Variants in DSCAML1 observed in about 807,000 individuals in gnomAD.
DSCAML1 encodes the protein cell adhesion molecule DSCAML1.
DSCAML1 carries 38 observed loss-of-function variants against 200.5 expected under a neutral mutation model. The observed-to-expected ratio is 0.19, with a 90% CI of 0.15 to 0.25. The LOEUF (loss-of-function observed/expected upper bound fraction) is 0.25, where lower values mean the gene tolerates loss of function less well. DSCAML1 is among the 10% of genes least tolerant of loss of function. The probability of loss-of-function intolerance (pLI) is 1.00; values close to 1 mark genes in which losing one functional copy is unlikely to be tolerated. For missense variants in DSCAML1, 2,223 were observed against 2,858.8 expected (o/e 0.78, Z 5.07); for synonymous variants, 1,215 against 1,165.0 (o/e 1.04, Z -0.87).
intron 3 of DSCAML1, among the ~76,000 whole-genome samples, chr11:117,725,853 A>AAAACAAAAC (rs1565896746): frequency 1.5e-5 from 2 of 135,402 alleles, no homozygotes; most frequent in African/African-American, 6.0e-5. Context: ...CAAAACAAAA[A>AAAACAAAAC]GGTAGGGAGG....
intron 20 of DSCAML1, among the ~76,000 whole-genome samples, chr11:117,448,513 G>A (rs1009097263): frequency 1.3e-5 from 2 of 152,106 alleles, no homozygotes; most frequent in South Asian, 2.1e-4. Flanking sequence ...AGTGTCTGAC[G>A]GGAGTGAGGA....
chr11:117,532,134 AAAAAAAAGG>A (rs1481898489), intron 4 of DSCAML1, among the ~76,000 whole-genome samples: 2 of 147,116 alleles, frequency 1.4e-5, no homozygotes, highest in African/African-American at 2.6e-5. Flanking sequence ...GGAAAGACAA[AAAAAAAAGG>A]AAAAAAAAGG....
At chr11:117,665,833 G>A (rs1267460752) in intron 3 of DSCAML1, among the ~76,000 whole-genome samples, 1 of 152,160 alleles carries the variant, frequency 6.6e-6, no homozygotes, top group African/African-American at 2.4e-5. Flanking sequence ...CGTATAGGTT[G>A]GCAAAGAGTC....
At chr11:117,802,485 C>T (rs1447711754) in intron 1 of DSCAML1, among the ~76,000 whole-genome samples, 1 of 152,204 alleles carries the variant, frequency 6.6e-6, no homozygotes, top group African/African-American at 2.4e-5. Flanking sequence ...GATTTAATGA[C>T]CAGATGGGCT....
Position 117,511,570 on chromosome 11 carries a change from CAA to C in DSCAML1, c.1783+4895_1783+4896del, listed in dbSNP as rs559310193. ...AAGGATTTCTCCGGATGACCAGAGA[CAA>C]ATACCAGCCATCCCTGCAGCCTGGC... On this transcript the variant is annotated intron_variant, in intron 8 of 32. Transcript: ENST00000651296. 2.0e-3 allele frequency among the ~76,000 whole-genome samples: 302 copies of C among 152,290 alleles called. 1 individual carries two copies. Among genetic ancestry groups the C allele is most frequent in the Middle Eastern group, 0.01 (3 of 286 alleles).
intron 3 of DSCAML1, among the ~76,000 whole-genome samples, chr11:117,649,175 T>TAA (rs2052579981): frequency 6.6e-6 from 1 of 151,596 alleles, no homozygotes; most frequent in African/African-American, 2.4e-5. Context: ...CTCCCAGGGT[T>TAA]AAAGCAAGCC....
At chr11:117,702,584 A>G (rs1002416720) in intron 3 of DSCAML1, among the ~76,000 whole-genome samples, 2 of 152,122 alleles carry the variant, frequency 1.3e-5, no homozygotes, top group African/African-American at 4.8e-5. Context: ...TTGCTCCCTG[A>G]AAATGAGGAC....
At position 117,746,221 on chromosome 11, in the gene DSCAML1, C is replaced by CAAAAAAAAAAAAAAAA. The variant is rs34362262; in HGVS notation, c.511+30554_511+30569dup. On this transcript the variant is annotated intron_variant, in intron 3 of 32. Coordinates refer to ENST00000651296, the MANE Select transcript of DSCAML1 (RefSeq NM_020693.4). ...TGGGCATCAGAGCGAGACTCTGTCTCAAAAAAAAAAAAAAAAAAAAAAAAG... is the reference window on the plus strand; with the variant it reads ...TGGGCATCAGAGCGAGACTCTGTCTCAAAAAAAAAAAAAAAAAAAAAAAAAAAAAAAAAAAAAAAAG... 3.0e-5 allele frequency among the ~76,000 whole-genome samples: 2 copies of CAAAAAAAAAAAAAAAA among 66,822 alleles called. 1 individual carries two copies. The highest frequency in any genetic ancestry group is 4.9e-5 in the Non-Finnish European group (2 of 40,574). The allele number at this position is 66,822 out of a possible 152,430, so 43.8% of individuals were successfully genotyped here. A position where few individuals can be genotyped will look rare whatever the true frequency, so the allele number is the denominator to read the frequency against.
upstream of DSCAML1, chr11:117,801,128 C>T (rs979472539): frequency 6.6e-6 from 1 of 152,182 alleles, no homozygotes; most frequent in Non-Finnish European, 1.5e-5. Flanking sequence ...CTCCCTGCTT[C>T]CCTCCCCAAA....
chr11:117,795,878 C>T (rs892242561), intron 1 of DSCAML1, among the ~76,000 whole-genome samples: 15 of 152,128 alleles, frequency 9.9e-5, no homozygotes, highest in Non-Finnish European at 1.6e-4. Context: ...TAAGAGTTGC[C>T]GCCCGGCCAG....
intron 8 of DSCAML1, among the ~76,000 whole-genome samples, chr11:117,509,866 C>T (rs1273931499): frequency 6.6e-6 from 1 of 152,206 alleles, no homozygotes; most frequent in African/African-American, 2.4e-5. Context: ...GCCCTCTTTA[C>T]TGTGGAGTCC....
intron 3 of DSCAML1, among the ~76,000 whole-genome samples, chr11:117,602,633 T>C (rs1029857719): frequency 6.6e-6 from 1 of 152,030 alleles, no homozygotes; most frequent in African/African-American, 2.4e-5. Context: ...AGTGCTGGGA[T>C]TACAGGTGAG....
rs117412500 is a variant in DSCAML1, at chr11:117,748,980, G to A, written c.511+27811C>T. ...CGGGTAAGGCTCTAGTTGGCTCTGCGGCCCCATGGCCCACAGCTCACCCTT... is the reference window on the plus strand; with the variant it reads ...CGGGTAAGGCTCTAGTTGGCTCTGCAGCCCCATGGCCCACAGCTCACCCTT... On this transcript the variant is annotated intron_variant, in intron 3 of 32. Coordinates refer to ENST00000651296, the MANE Select transcript of DSCAML1 (RefSeq NM_020693.4). Among the ~76,000 whole-genome samples, 40 of 152,292 alleles carry A rather than the reference G, an allele frequency of 2.6e-4. No homozygotes were observed. In the East Asian group the frequency reaches 4.5e-3, roughly 17 times the overall value.
chr11:117,770,687 C>T (rs1232973108), intron 3 of DSCAML1, among the ~76,000 whole-genome samples: 1 of 149,862 alleles, frequency 6.7e-6, no homozygotes, highest in Non-Finnish European at 1.5e-5. Flanking sequence ...AAAAAAAATA[C>T]AGGACAAAGT....
At chr11:117,754,069 T>C (rs1316147608) in intron 3 of DSCAML1, among the ~76,000 whole-genome samples, 1 of 152,098 alleles carries the variant, frequency 6.6e-6, no homozygotes, top group Non-Finnish European at 1.5e-5. Flanking sequence ...GTCCTTTCCC[T>C]TTAAGAGGAG....
intron 3 of DSCAML1, among the ~76,000 whole-genome samples, chr11:117,738,969 A>G (rs1206136137): frequency 1.3e-5 from 2 of 152,208 alleles, no homozygotes. Flanking sequence ...GACAGAGGGA[A>G]AACACCTCTA....
chr11:117,769,162 TTATA>T (rs1443145495), intron 3 of DSCAML1, among the ~76,000 whole-genome samples: 7 of 24,510 alleles, frequency 2.9e-4, no homozygotes, highest in African/African-American at 6.1e-4. Context: ...TTTATATATA[TTATA>T]TATTTTATAT....
intron 3 of DSCAML1, among the ~76,000 whole-genome samples, chr11:117,589,428 A>T (rs2051215624): frequency 1.3e-5 from 2 of 151,890 alleles, no homozygotes; most frequent in Non-Finnish European, 2.9e-5. Flanking sequence ...CCCCCAACTC[A>T]ATGTGTTTTC....
upstream of DSCAML1, chr11:117,797,401 GA>G (rs2055605066): frequency 1.0e-5 from 7 of 668,708 alleles, no homozygotes; most frequent in Admixed American, 4.4e-5. Context: ...AGACCGCCCC[GA>G]CCCGGCTCCG....
Sources: allele counts gnomAD v4.1 joint callset (sites outside exome capture counted in the v4.1 genomes callset), GRCh38; gene constraint gnomAD v4.1.1; transcripts MANE v1.5; gene names NCBI Gene and HGNC (gene_info 2026-07-23, HGNC 2026-07-21).